Variants in RLF observed in about 807,000 individuals in gnomAD.
RLF encodes zinc finger protein Rlf.
In RLF, 7 loss-of-function variants were observed where a neutral mutation model predicts 162.9. That is an observed-to-expected ratio of 0.04 (90% CI 0.02 to 0.08). RLF has a LOEUF of 0.08. Among genes scored for constraint, RLF ranks in the 10% least tolerant of loss-of-function variants. The pLI is 1.00. For synonymous variants in RLF, 782 were observed against 791.5 expected (o/e 0.99, Z 0.20); for missense variants, 1,664 against 2,244.7 (o/e 0.74, Z 5.23).
chr1:40,204,679 C>T (rs1013354980), intron 5 of RLF, among the ~76,000 whole-genome samples: 10 of 152,106 alleles, frequency 6.6e-5, no homozygotes, highest in Admixed American at 5.2e-4. Flanking sequence ...ACCTCAGCCT[C>T]CCAAAGTGCT....
intron 1 of RLF, among the ~76,000 whole-genome samples, chr1:40,182,676 T>G (rs1408572064): frequency 6.6e-6 from 1 of 151,958 alleles, no homozygotes; most frequent in African/African-American, 2.4e-5. Context: ...AAAATAATCT[T>G]AGTAGGCTGA....
At chr1:40,195,512 C>A in intron 3 of RLF, 120 bp from the exon 4 acceptor site, 2 of 738,442 alleles carry the variant, frequency 2.7e-6, no homozygotes, top group East Asian at 3.1e-5. Flanking sequence ...TTTTTGGTTA[C>A]TTATTTTCAG....
chr1:40,182,454 T>G (rs1379208702), intron 1 of RLF, among the ~76,000 whole-genome samples: 7 of 151,580 alleles, frequency 4.6e-5, no homozygotes, highest in Non-Finnish European at 8.8e-5. Context: ...AAAAGAAAAG[T>G]AAAGGAAAAC....
Position 40,239,505 on chromosome 1 carries a change from A to G in RLF, c.4803A>G (p.Glu1601=). 3 of 1,613,926 alleles carry G rather than the reference A, an allele frequency of 1.9e-6. No individual in the cohort carries two copies. Among genetic ancestry groups the G allele is most frequent in the Non-Finnish European group, 2.5e-6 (3 of 1,180,008 alleles). The change falls in exon 8 of 8, where the codon GAA becomes GAG. Residue 1601 remains glutamate, a synonymous_variant. Coordinates refer to ENST00000372771, the MANE Select transcript of RLF (RefSeq NM_012421.4). The part of the protein sequence containing the change: ...CVKYGTKIKE[E]PPSEADPCIK... Reference sequence around the variant, plus strand: ...AGTACGGTACCAAAATTAAGGAGGAACCCCCTTCTGAAGCAGATCCCTGTA... The same window carrying G: ...AGTACGGTACCAAAATTAAGGAGGAGCCCCCTTCTGAAGCAGATCCCTGTA...
chr1:40,224,396 C>T (rs1376835455), intron 6 of RLF, among the ~76,000 whole-genome samples: 1 of 149,476 alleles, frequency 6.7e-6, no homozygotes, highest in Admixed American at 6.7e-5. Flanking sequence ...GCAACCTCCG[C>T]CTCCCGAGTA....
At chr1:40,169,666 G>T (rs1642215323) in intron 1 of RLF, among the ~76,000 whole-genome samples, 1 of 150,410 alleles carries the variant, frequency 6.6e-6, no homozygotes, top group Non-Finnish European at 1.5e-5. Context: ...TTGAAATAAG[G>T]GTTCTATGTT....
chr1:40,222,173 A>G (rs1379159100), intron 5 of RLF, among the ~76,000 whole-genome samples: 2 of 152,146 alleles, frequency 1.3e-5, no homozygotes, highest in African/African-American at 2.4e-5. Flanking sequence ...AGGATAAGCC[A>G]TATGTTTTAC....
At chr1:40,188,977 CTA>C (rs1490008594) in intron 1 of RLF, 76 bp from the exon 2 acceptor site, 1 of 942,410 alleles carries the variant, frequency 1.1e-6, no homozygotes, top group Non-Finnish European at 1.5e-6. Flanking sequence ...AATGGGAGAG[CTA>C]TGTGGTGTGT....
At position 40,239,544 on chromosome 1, in the gene RLF, A is replaced by C; in HGVS notation, c.4842A>C (p.Glu1614Asp). ...SEADPCIKKE[E>D]NRSCESERTE... Reference sequence around the variant, plus strand: ...CAGATCCCTGTATAAAGAAAGAAGAAAATAGAAGCTGTGAATCAGAGCGCA... The same window carrying C: ...CAGATCCCTGTATAAAGAAAGAAGACAATAGAAGCTGTGAATCAGAGCGCA... Residue 1614 changes from glutamate (E) to aspartate (D), a missense_variant, in exon 8 of 8, where the codon GAA (glutamate) becomes GAC (aspartate). Coordinates refer to ENST00000372771, the MANE Select transcript of RLF (RefSeq NM_012421.4). 1 of 1,614,118 alleles carries C rather than the reference A, an allele frequency of 6.2e-7. No homozygotes were observed. The highest frequency in any genetic ancestry group is 8.5e-7 in the Non-Finnish European group (1 of 1,180,026).
At chr1:40,191,934 A>G (rs1642565866) in intron 3 of RLF, among the ~76,000 whole-genome samples, 1 of 152,190 alleles carries the variant, frequency 6.6e-6, no homozygotes, top group South Asian at 2.1e-4. Flanking sequence ...ACAGATTTCA[A>G]ACCCTGAGCT....
chr1:40,185,861 A>G (rs924089125), intron 1 of RLF, among the ~76,000 whole-genome samples: 1 of 148,608 alleles, frequency 6.7e-6, no homozygotes, highest in Non-Finnish European at 1.5e-5. Context: ...AAAAAAAAAA[A>G]AAAACCACAA....
At chr1:40,206,047 T>A (rs1642788027) in intron 5 of RLF, among the ~76,000 whole-genome samples, 1 of 152,202 alleles carries the variant, frequency 6.6e-6, no homozygotes, top group Non-Finnish European at 1.5e-5. Flanking sequence ...CCCAAAAGTT[T>A]TCTCTCCAGC....
chr1:40,172,196 A>G (rs554135345), intron 1 of RLF, among the ~76,000 whole-genome samples: 3 of 152,228 alleles, frequency 2.0e-5, no homozygotes, highest in Non-Finnish European at 4.4e-5. Flanking sequence ...CAAAAAATAC[A>G]GTACAGAGGG....
chr1:40,177,213 C>G (rs369720068), intron 1 of RLF, among the ~76,000 whole-genome samples: 1 of 151,774 alleles, frequency 6.6e-6, no homozygotes, highest in Non-Finnish European at 1.5e-5. Flanking sequence ...CTTGAACTTC[C>G]GACCTCAAGT....
intron 1 of RLF, among the ~76,000 whole-genome samples, chr1:40,167,326 C>T (rs987312721): frequency 9.9e-5 from 15 of 152,206 alleles, no homozygotes; most frequent in African/African-American, 3.4e-4. Context: ...TCTCTTCTTG[C>T]GCTGCCTTCT....
In RLF at chr1:40,190,862, A is replaced by C; in HGVS notation, c.474+9A>C. On this transcript the variant is annotated intron_variant, in intron 3 of 7. Transcript: ENST00000372771. Reference sequence around the variant, plus strand: ...TCCTTCAGTCTCTACAGGTGAGTTGATTTTAACTCAGAAAAGTTTTCTGTA... The same window carrying C: ...TCCTTCAGTCTCTACAGGTGAGTTGCTTTTAACTCAGAAAAGTTTTCTGTA... 6.3e-7 allele frequency: 1 copy of C among 1,592,024 alleles called. No homozygotes were observed.
chr1:40,210,209 G>A (rs1322989931), intron 5 of RLF, among the ~76,000 whole-genome samples: 1 of 152,190 alleles, frequency 6.6e-6, no homozygotes, highest in East Asian at 1.9e-4. Flanking sequence ...GGCAAATACA[G>A]CAAACTGTAT....
chr1:40,211,871 G>A (rs758400272), intron 5 of RLF, among the ~76,000 whole-genome samples: 14 of 152,032 alleles, frequency 9.2e-5, no homozygotes, highest in African/African-American at 2.2e-4. Flanking sequence ...CCTGTTATCC[G>A]CCCGCCTCGG....
intron 1 of RLF, among the ~76,000 whole-genome samples, chr1:40,173,091 T>TTTTTTTTTTTTTTTTTTTG (rs1642269173): frequency 6.8e-6 from 1 of 146,108 alleles, no homozygotes; most frequent in African/African-American, 2.5e-5. Flanking sequence ...TTTTTTTTTT[T>TTTTTTTTTTTTTTTTTTTG]GTGAGGCAGA....
Sources: gnomAD v4.1 joint callset for allele counts (sites outside exome capture counted in the v4.1 genomes callset) on GRCh38, gnomAD v4.1.1 for gene constraint, MANE v1.5 for transcripts, NCBI Gene and HGNC (gene_info 2026-07-23, HGNC 2026-07-21) for gene names.